The following CDH13 variants were observed in gnomAD, a reference collection of about 807,000 sequenced individuals.
CDH13 encodes cadherin 13, also known as cadherin-13.
CDH13 carries 24 observed loss-of-function variants against 63.8 expected under a neutral mutation model. That is an observed-to-expected ratio of 0.38 (90% CI 0.27 to 0.53). CDH13 has a LOEUF of 0.53. Among genes scored for constraint, CDH13 ranks in the 20% least tolerant of loss-of-function variants. CDH13 has a pLI of 0.85. For missense variants in CDH13, 1,049 were observed against 903.1 expected (o/e 1.16, Z -2.07); for synonymous variants, 503 against 355.3 (o/e 1.42, Z -4.67).
intron 1 of CDH13, among the ~76,000 whole-genome samples, chr16:82,702,953 C>CT (rs750773780): frequency 1.3e-5 from 2 of 151,978 alleles, no homozygotes; most frequent in East Asian, 1.9e-4. Context: ...GTGCAGGGAC[C>CT]TTTTTTTAGC....
intron 2 of CDH13, chr16:82,954,135 G>T (rs867966829): frequency 6.6e-6 from 1 of 152,266 alleles, no homozygotes; most frequent in Admixed American, 6.5e-5. Flanking sequence ...GATTGTCTCT[G>T]TGGGCACCTG....
intron 10 of CDH13, among the ~76,000 whole-genome samples, chr16:83,747,661 C>T (rs1348929615): frequency 2.0e-5 from 3 of 150,490 alleles, no homozygotes; most frequent in African/African-American, 7.4e-5. Context: ...TGTGAGGTGC[C>T]CAATATTGCC....
intron 4 of CDH13, among the ~76,000 whole-genome samples, chr16:83,179,481 T>C (rs1255946879): frequency 1.4e-5 from 1 of 69,096 alleles, no homozygotes; most frequent in Admixed American, 1.4e-4. Context: ...CCGTCTCTAC[T>C]AAAAAAAAAA....
At chr16:83,253,320 G>A (rs375806266) in intron 5 of CDH13, among the ~76,000 whole-genome samples, 1 of 152,204 alleles carries the variant, frequency 6.6e-6, no homozygotes, top group African/African-American at 2.4e-5. Flanking sequence ...CGCACCTGCA[G>A]TGGATTCGAC....
chr16:82,923,286 AT>A (rs1166958894), intron 2 of CDH13, among the ~76,000 whole-genome samples: 2 of 152,200 alleles, frequency 1.3e-5, no homozygotes, highest in African/African-American at 4.8e-5. Context: ...TTTGATGAAC[AT>A]TTGTTCCATG....
intron 1 of CDH13, among the ~76,000 whole-genome samples, chr16:82,715,893 C>T (rs763057937): frequency 5.9e-5 from 9 of 152,214 alleles, no homozygotes; most frequent in South Asian, 2.1e-4. Context: ...TCCAGGAATG[C>T]CCTTTCTTCT....
In CDH13 at chr16:83,797,551, T is replaced by A. The variant is rs947601599; in HGVS notation, c.*2521T>A. On this transcript the variant is annotated 3_prime_UTR_variant, in exon 14 of 14. Coordinates refer to ENST00000567109, the MANE Select transcript of CDH13 (RefSeq NM_001257.5). ...CAGAAAAAAAGGAAAATAAACCAATTCTTATAGGCCAAAGTGGTAGCATTT... is the reference window on the plus strand; with the variant it reads ...CAGAAAAAAAGGAAAATAAACCAATACTTATAGGCCAAAGTGGTAGCATTT... 1.1e-4 allele frequency: 17 copies of A among 152,206 alleles called. No individual in the cohort carries two copies. Among genetic ancestry groups the A allele is most frequent in the African/African-American group, 4.1e-4 (17 of 41,452 alleles). 9.4% of individuals were successfully genotyped at this position (152,206 alleles called of 1,614,324 possible).
chr16:83,299,003 A>G (rs1022716270), intron 5 of CDH13, among the ~76,000 whole-genome samples: 2 of 152,254 alleles, frequency 1.3e-5, no homozygotes, highest in African/African-American at 4.8e-5. Context: ...ACTATAAAGC[A>G]TGAGTAAAAA....
In CDH13 at chr16:83,500,456, G is replaced by A. The variant is rs188922446; in HGVS notation, c.960+13801G>A. ...CTCCCCCTCCTTCTCCCCCTCCTCC[G>A]CCTCCTCCTCCCCCTCCTTCTCCCC... On this transcript the variant is annotated intron_variant, in intron 7 of 13. Coordinates refer to ENST00000567109, the MANE Select transcript of CDH13 (RefSeq NM_001257.5). Among the ~76,000 whole-genome samples, 37 of 7,242 alleles carry A rather than the reference G, an allele frequency of 5.1e-3. 1 individual carries two copies. The highest frequency in any genetic ancestry group is 0.026 in the African/African-American group (34 of 1,284). The allele number at this position is 7,242 out of a possible 152,430, so 4.8% of individuals were successfully genotyped here.
intron 7 of CDH13, among the ~76,000 whole-genome samples, chr16:83,506,847 C>A (rs75011504): frequency 0.19 from 29,554 of 152,170 alleles, 3,185 homozygotes; most frequent in South Asian, 0.3. Context: ...ATTCTTTAGC[C>A]GTATGTGTGA....
intron 3 of CDH13, among the ~76,000 whole-genome samples, chr16:83,035,711 G>A (rs1046701441): frequency 6.6e-6 from 1 of 152,166 alleles, no homozygotes; most frequent in Non-Finnish European, 1.5e-5. Flanking sequence ...ATGTTGGCCT[G>A]TCTTCATGGT....
intron 4 of CDH13, among the ~76,000 whole-genome samples, chr16:83,207,414 C>A (rs77102415): frequency 6.6e-6 from 1 of 152,222 alleles, no homozygotes; most frequent in African/African-American, 2.4e-5. Context: ...ATCAGCATCT[C>A]CTTCCTTTTA....
rs572401680 is a variant in CDH13, at chr16:83,708,283, A to T, written c.1538+29822A>T. ...ACCTCACCGTAAGGGACAGTCAACC[A>T]GACGTGTGCTTCCACATGTTCTTCA... On this transcript the variant is annotated intron_variant, in intron 10 of 13. Coordinates refer to ENST00000567109, the MANE Select transcript of CDH13 (RefSeq NM_001257.5). Among the ~76,000 whole-genome samples the T allele has an allele frequency of 4.6e-5, 7 of 152,340 alleles. No individual in the cohort carries two copies. The South Asian group carries it at 1.2e-3, about 27-fold the overall frequency.
At chr16:83,139,792 C>T (rs1408918625) in intron 4 of CDH13, among the ~76,000 whole-genome samples, 3 of 152,028 alleles carry the variant, frequency 2.0e-5, no homozygotes, top group Admixed American at 6.6e-5. Flanking sequence ...CACCTGAGGT[C>T]GGGAGTTTGA....
At chr16:83,768,812 C>A (rs180756987) in intron 11 of CDH13, among the ~76,000 whole-genome samples, 2 of 152,096 alleles carry the variant, frequency 1.3e-5, no homozygotes, top group Non-Finnish European at 2.9e-5. Context: ...TCATCGCCAT[C>A]TTGGTCTTGG....
intron 4 of CDH13, among the ~76,000 whole-genome samples, chr16:83,162,033 T>A (rs1184281557): frequency 2.6e-5 from 4 of 152,210 alleles, no homozygotes; most frequent in Admixed American, 2.6e-4. Flanking sequence ...AGTCAGCTAG[T>A]CCCTTTGTTT....
chr16:82,708,891 C>A (rs1203330187), intron 1 of CDH13, among the ~76,000 whole-genome samples: 1 of 152,172 alleles, frequency 6.6e-6, no homozygotes. Flanking sequence ...TGCTAGGGCT[C>A]TCTTATAAAT....
Position 83,283,098 on chromosome 16 carries a change from T to C in CDH13, c.637-61764T>C, listed in dbSNP as rs144444635. Reference sequence around the variant, plus strand: ...GATGGGGCTGCTCAATAAATGTTGGTCCTCTTCTCTAGAAACCCTGACTCA... The same window carrying C: ...GATGGGGCTGCTCAATAAATGTTGGCCCTCTTCTCTAGAAACCCTGACTCA... On this transcript the variant is annotated intron_variant, in intron 5 of 13. Transcript: ENST00000567109. Among the ~76,000 whole-genome samples, 26 of 152,298 alleles carry C rather than the reference T, an allele frequency of 1.7e-4. No individual in the cohort carries two copies. In the East Asian group the frequency reaches 4.4e-3, roughly 26 times the overall value.
At chr16:83,692,639 G>T (rs977605050) in intron 10 of CDH13, among the ~76,000 whole-genome samples, 2 of 152,140 alleles carry the variant, frequency 1.3e-5, no homozygotes, top group Admixed American at 6.5e-5. Flanking sequence ...GAGACTTTCG[G>T]ACTTGAAGGA....
Sources: gnomAD v4.1 joint callset for allele counts (sites outside exome capture counted in the v4.1 genomes callset) on GRCh38, gnomAD v4.1.1 for gene constraint, MANE v1.5 for transcripts, NCBI Gene and HGNC (gene_info 2026-07-23, HGNC 2026-07-21) for gene names.